The following FAM227B variants were observed in gnomAD, a reference collection of about 807,000 sequenced individuals.
FAM227B encodes the protein protein FAM227B.
FAM227B carries 88 observed loss-of-function variants against 73.8 expected under a neutral mutation model. The observed-to-expected ratio is 1.19, with a 90% confidence interval of 1.00 to 1.42. The LOEUF (loss-of-function observed/expected upper bound fraction) is 1.42. FAM227B is among the 40% of genes most tolerant of loss of function. The probability of loss-of-function intolerance (pLI) is 0.00; values close to 1 mark genes in which losing one functional copy is unlikely to be tolerated. For missense variants in FAM227B, 632 were observed against 590.9 expected, an observed-to-expected ratio of 1.07 and a Z score of -0.72; for synonymous variants, 210 against 190.5, an observed-to-expected ratio of 1.10 and a Z score of -0.84.
intron 8 of FAM227B, among the ~76,000 whole-genome samples, chr15:49,569,886 G>C (rs1031643022): frequency 6.6e-6 from 1 of 151,928 alleles, no homozygotes; most frequent in Admixed American, 6.6e-5. Flanking sequence ...TTGTCTTTAT[G>C]AGCCTGGCTT....
intron 13 of FAM227B, among the ~76,000 whole-genome samples, chr15:49,351,287 T>C (rs73396254): frequency 5.9e-5 from 9 of 152,324 alleles, no homozygotes; most frequent in Admixed American, 3.9e-4. Context: ...ATGGAATTGT[T>C]AGTTTAATTC....
intron 11 of FAM227B, among the ~76,000 whole-genome samples, chr15:49,464,270 GC>G (rs779097656): frequency 1.3e-5 from 2 of 152,020 alleles, no homozygotes; most frequent in South Asian, 4.2e-4. Context: ...AACAATTTCT[GC>G]CCCCACCTCT....
chr15:49,396,037 C>G (rs751147945), intron 11 of FAM227B: 2 of 453,590 alleles, frequency 4.4e-6, no homozygotes, highest in Admixed American at 4.8e-5. Context: ...CAGCTCCCAG[C>G]GTGAGCGACG....
chr15:49,465,671 C>G (rs2151945925), intron 11 of FAM227B, among the ~76,000 whole-genome samples: 1 of 152,208 alleles, frequency 6.6e-6, no homozygotes, highest in East Asian at 1.9e-4. Flanking sequence ...TCATAAAATA[C>G]AATCTGAGAT....
chr15:49,361,085 A>G (rs1281401934), intron 13 of FAM227B, among the ~76,000 whole-genome samples: 2 of 152,192 alleles, frequency 1.3e-5, no homozygotes, highest in African/African-American at 4.8e-5. Flanking sequence ...GATAAATGAT[A>G]AGTATTTAAG....
At chr15:49,454,212 C>T (rs1286501866) in intron 11 of FAM227B, among the ~76,000 whole-genome samples, 1 of 152,126 alleles carries the variant, frequency 6.6e-6, no homozygotes, top group African/African-American at 2.4e-5. Context: ...GAAATACAGA[C>T]TAAATAAATT....
At chr15:49,616,423 A>C (rs2078291793) in intron 1 of FAM227B, among the ~76,000 whole-genome samples, 1 of 152,204 alleles carries the variant, frequency 6.6e-6, no homozygotes, top group African/African-American at 2.4e-5. Context: ...CAGCAATAAG[A>C]AACTAATATG....
At chr15:49,562,725 A>G (rs2074354910) in intron 9 of FAM227B, among the ~76,000 whole-genome samples, 1 of 152,190 alleles carries the variant, frequency 6.6e-6, no homozygotes, top group South Asian at 2.1e-4. Flanking sequence ...GTGGTTCACC[A>G]CATAAATATA....
Position 49,611,227 on chromosome 15 carries a change from C to T in FAM227B, c.93G>A (p.Lys31=). 1 of 1,589,662 alleles carries T rather than the reference C, an allele frequency of 6.3e-7. No individual in the cohort carries two copies. The highest frequency in any genetic ancestry group is 8.6e-7 in the Non-Finnish European group (1 of 1,161,212). The change falls in exon 3 of 16, where the codon AAG becomes AAA. Residue 31 remains lysine (K), a synonymous_variant. Transcript: ENST00000299338. ...ATGCTTTACTCACCCAATTTTGAAA[C>T]TTTAAGAATTCTTCAATGCTCTTTG... is the stretch of plus-strand genomic sequence containing the variant. The part of the protein sequence containing the change: ...EPPKSIEEFL[K]FQNWDYWPRE...
At chr15:49,597,565 G>C (rs2076954573) in intron 3 of FAM227B, among the ~76,000 whole-genome samples, 1 of 151,864 alleles carries the variant, frequency 6.6e-6, no homozygotes, top group African/African-American at 2.4e-5. Flanking sequence ...AGGAACCAGA[G>C]AAAACAGAAA....
intron 11 of FAM227B, chr15:49,483,276 G>A: frequency 8.0e-7 from 1 of 1,247,170 alleles, no homozygotes; most frequent in Non-Finnish European, 1.2e-6. Context: ...TGATAGCTTA[G>A]GCTTAATTTT....
At chr15:49,355,263 A>T (rs571534834) in intron 13 of FAM227B, among the ~76,000 whole-genome samples, 40 of 152,390 alleles carry the variant, frequency 2.6e-4, no homozygotes, top group South Asian at 6.2e-4. Context: ...GAGCTCAGAG[A>T]AGAAGGCTTC....
intron 10 of FAM227B, among the ~76,000 whole-genome samples, chr15:49,520,798 G>A (rs554958450): frequency 5.3e-5 from 8 of 152,274 alleles, no homozygotes; most frequent in East Asian, 3.9e-4. Context: ...GATGAGATTT[G>A]CGTGGGGACA....
intron 11 of FAM227B, among the ~76,000 whole-genome samples, chr15:49,430,696 A>T (rs544108100): frequency 1.3e-5 from 2 of 151,912 alleles, no homozygotes; most frequent in East Asian, 3.9e-4. Flanking sequence ...AGAGTATGAG[A>T]CAGACAGGGC....
chr15:49,363,303 C>G (rs745339240), intron 13 of FAM227B, among the ~76,000 whole-genome samples: 2 of 152,076 alleles, frequency 1.3e-5, no homozygotes, highest in Non-Finnish European at 2.9e-5. Context: ...TTTCTTTGAG[C>G]AATGTTTTGT....
chr15:49,412,797 A>G (rs1304436578), intron 11 of FAM227B, among the ~76,000 whole-genome samples: 1 of 152,044 alleles, frequency 6.6e-6, no homozygotes, highest in Non-Finnish European at 1.5e-5. Context: ...TTCCTTTTGC[A>G]CCAGATATCC....
At position 49,559,028 on chromosome 15, in the gene FAM227B, C is replaced by T. The variant is rs145624543; in HGVS notation, c.747+9217G>A. Among the ~76,000 whole-genome samples the T allele has an allele frequency of 3.9e-3, 601 of 152,176 alleles. 7 individuals are homozygous for T. The highest frequency in any genetic ancestry group is 6.2e-3 in the Admixed American group (95 of 15,288). On this transcript the variant is annotated intron_variant, in intron 9 of 15. Transcript: ENST00000299338. ...TATCAGGTTCAGAGATTAAATTATG[C>T]CCTGAAACCACTCCCACAGAGAGTC...
At chr15:49,553,841 A>T (rs2073333640) in intron 9 of FAM227B, among the ~76,000 whole-genome samples, 1 of 152,138 alleles carries the variant, frequency 6.6e-6, no homozygotes, top group Admixed American at 6.5e-5. Flanking sequence ...GCTGCCCAAG[A>T]GTCAAGTCCT....
At chr15:49,611,929 T>A (rs1055755912) in intron 2 of FAM227B, among the ~76,000 whole-genome samples, 1 of 152,130 alleles carries the variant, frequency 6.6e-6, no homozygotes, top group Non-Finnish European at 1.5e-5. Context: ...AAAAGTCACT[T>A]TGTCCATCAA....
Sources: allele counts gnomAD v4.1 joint callset (sites outside exome capture counted in the v4.1 genomes callset), GRCh38; gene constraint gnomAD v4.1.1; transcripts MANE v1.5; gene names NCBI Gene and HGNC (gene_info 2026-07-23, HGNC 2026-07-21).